The following ITGA2 variants were observed in gnomAD, a reference collection of about 807,000 sequenced individuals.
ITGA2 encodes the protein integrin alpha-2.
In ITGA2, 101 loss-of-function variants were observed where a neutral mutation model predicts 146.3. The observed-to-expected ratio is 0.69, with a 90% confidence interval of 0.59 to 0.81. The LOEUF (loss-of-function observed/expected upper bound fraction) is 0.81. Ranked by LOEUF, ITGA2 falls within the 40% of genes least tolerant of loss-of-function variation. ITGA2 has a pLI of 0.00. For missense variants in ITGA2, 1,281 were observed against 1,402.7 expected (o/e 0.91, Z 1.39); for synonymous variants, 477 against 487.1 (o/e 0.98, Z 0.27).
rs755923183 is a variant in ITGA2 at position 53,072,038 on chromosome 5, A to G, written c.2336A>G (p.Lys779Arg). The change falls in exon 18 of 30, where the codon AAG becomes AGG. Residue 779 changes from lysine (K) to arginine (R), a missense_variant. Physicochemically the swap from Lys to Arg is conservative, Grantham distance 26. Coordinates refer to ENST00000296585, the MANE Select transcript of ITGA2 (RefSeq NM_002203.4). ...PALEAYSETA[K>R]VFSIPFHKDC... ...CTTGAAGCCTATTCTGAGACTGCCAAGGTCTTCAGTGTAAGTGCAGCTTAC... is the reference window on the plus strand; with the variant it reads ...CTTGAAGCCTATTCTGAGACTGCCAGGGTCTTCAGTGTAAGTGCAGCTTAC... The G allele has an allele frequency of 4.3e-6, 7 of 1,609,828 alleles. No homozygotes were observed. In the Admixed American group the frequency reaches 1.2e-4, roughly 27 times the overall value.
intron 1 of ITGA2, among the ~76,000 whole-genome samples, chr5:53,018,680 GAT>G (rs1318351614): frequency 1.2e-4 from 19 of 152,106 alleles, no homozygotes; most frequent in African/African-American, 4.3e-4. Flanking sequence ...ACACAAAGAG[GAT>G]TATAGAAAGC....
At chr5:53,050,273 C>G (rs3212499) in intron 6 of ITGA2, among the ~76,000 whole-genome samples, 3 of 152,058 alleles carry the variant, frequency 2.0e-5, no homozygotes, top group African/African-American at 7.3e-5. Flanking sequence ...TCTTTTCTTA[C>G]AGCCTAAATT....
chr5:53,058,537 G>A (rs897292324), intron 10 of ITGA2, among the ~76,000 whole-genome samples: 1 of 151,764 alleles, frequency 6.6e-6, no homozygotes, highest in African/African-American at 2.4e-5. Context: ...AAAATAAGGA[G>A]GTAGGAAAAA....
chr5:53,072,425 G>A (rs1399460573), intron 18 of ITGA2, among the ~76,000 whole-genome samples, 188 bp from the exon 19 acceptor site: 2 of 151,686 alleles, frequency 1.3e-5, no homozygotes, highest in African/African-American at 4.8e-5. Flanking sequence ...CTCCCCCTGT[G>A]CAAATGATTA....
At chr5:53,027,211 T>C (rs573861442) in intron 2 of ITGA2, among the ~76,000 whole-genome samples, 1 of 152,248 alleles carries the variant, frequency 6.6e-6, no homozygotes, top group Non-Finnish European at 1.5e-5. Context: ...CATTGAACTT[T>C]GTAAATCATT....
At chr5:53,071,786 G>A (rs1307182574) in intron 17 of ITGA2, 152 bp from the exon 18 acceptor site, 1 of 690,718 alleles carries the variant, frequency 1.4e-6, no homozygotes, top group African/African-American at 1.8e-5. Flanking sequence ...CGAGAGTCTT[G>A]ATTATTCACA....
intron 1 of ITGA2, among the ~76,000 whole-genome samples, chr5:52,992,013 G>C (rs533294876): frequency 6.6e-4 from 98 of 149,400 alleles, no homozygotes; most frequent in Non-Finnish European, 9.4e-4. Flanking sequence ...CCAGGTTCTA[G>C]ACCACATCTT....
chr5:53,045,010 G>A lies in ITGA2; in HGVS notation c.305G>A (p.Ser102Asn), dbSNP rs41392746. 5.0e-6 allele frequency: 8 copies of A among 1,612,800 alleles called. No individual in the cohort carries two copies. In the African/African-American group the frequency reaches 6.7e-5, roughly 13 times the overall value. Residue 102 changes from serine (S) to asparagine (N), a missense_variant, in exon 4 of 30, where the codon AGC becomes AAC. Physicochemically the swap from Ser to Asn is conservative, Grantham distance 46 (BLOSUM62 1). Coordinates refer to ENST00000296585, the MANE Select transcript of ITGA2 (RefSeq NM_002203.4). ...GTTTTCCCTTTGAAAGCTTCAACAA[G>A]CATTCCAAATGTTACTGAGATGAAA... is the stretch of plus-strand genomic sequence containing the variant. The part of the protein sequence containing the change: ...CEKLNLQTST[S>N]IPNVTEMKTN...
intron 14 of ITGA2, among the ~76,000 whole-genome samples, chr5:53,065,622 T>G (rs2111976662): frequency 6.6e-6 from 1 of 152,012 alleles, no homozygotes; most frequent in South Asian, 2.1e-4. Context: ...GATTTTTTAT[T>G]AAAGATTTAT....
chr5:53,080,380 A>G (rs1745862493), intron 24 of ITGA2, 131 bp from the exon 25 acceptor site: 1 of 754,840 alleles, frequency 1.3e-6, no homozygotes, highest in South Asian at 1.4e-5. Context: ...ACTATAAAGT[A>G]ATGGCTGACT....
intron 1 of ITGA2, among the ~76,000 whole-genome samples, chr5:52,998,975 T>G (rs746604448): frequency 1.3e-5 from 2 of 152,236 alleles, no homozygotes; most frequent in Non-Finnish European, 2.9e-5. Flanking sequence ...TTGATAAATT[T>G]GTTTTCACTT....
chr5:53,010,560 C>T (rs1228859904), intron 1 of ITGA2, among the ~76,000 whole-genome samples: 8 of 152,160 alleles, frequency 5.3e-5, no homozygotes, highest in Non-Finnish European at 1.2e-4. Context: ...CAGGACAGAT[C>T]ATGCCTGGCA....
intron 25 of ITGA2, among the ~76,000 whole-genome samples, chr5:53,081,324 T>C (rs1041883698): frequency 6.6e-6 from 1 of 152,172 alleles, no homozygotes; most frequent in South Asian, 2.1e-4. Context: ...TACCCTGAAT[T>C]ATTCACAGTG....
intron 13 of ITGA2, among the ~76,000 whole-genome samples, chr5:53,063,553 C>A (rs181574335): frequency 6.6e-6 from 1 of 151,658 alleles, no homozygotes; most frequent in East Asian, 2.0e-4. Flanking sequence ...GTAGTGAACT[C>A]CATGAAATAA....
At chr5:53,007,627 C>T (rs1419885405) in intron 1 of ITGA2, among the ~76,000 whole-genome samples, 1 of 152,154 alleles carries the variant, frequency 6.6e-6, no homozygotes, top group Non-Finnish European at 1.5e-5. Flanking sequence ...GGCCAACACA[C>T]TTTCTTCTGT....
chr5:53,065,485 G>A (rs1745103563), intron 14 of ITGA2, among the ~76,000 whole-genome samples: 1 of 151,918 alleles, frequency 6.6e-6, no homozygotes, highest in Non-Finnish European at 1.5e-5. Context: ...TTGAAGGGGT[G>A]ACTAATGAGG....
chr5:53,043,040 G>T (rs1023350800), intron 3 of ITGA2, among the ~76,000 whole-genome samples: 19 of 152,064 alleles, frequency 1.2e-4, no homozygotes, highest in African/African-American at 3.6e-4. Flanking sequence ...ACATAATAGG[G>T]CTCAATAAAC....
chr5:53,053,946 C>T (rs943215008), intron 7 of ITGA2, among the ~76,000 whole-genome samples: 3 of 152,006 alleles, frequency 2.0e-5, no homozygotes, highest in South Asian at 2.1e-4. Context: ...CCTCAAAAAC[C>T]TTAGAATCAT....
At chr5:53,058,828 A>T (rs1278410690) in intron 10 of ITGA2, among the ~76,000 whole-genome samples, 1 of 151,940 alleles carries the variant, frequency 6.6e-6, no homozygotes, top group African/African-American at 2.4e-5. Flanking sequence ...ATCCTTAGAG[A>T]TGCTCATAGA....
Sources: gnomAD v4.1 joint callset for allele counts (sites outside exome capture counted in the v4.1 genomes callset) on GRCh38, gnomAD v4.1.1 for gene constraint, MANE v1.5 for transcripts, NCBI Gene and HGNC (gene_info 2026-07-23, HGNC 2026-07-21) for gene names.